Variants in ZFHX3 observed in about 807,000 individuals in gnomAD.
The protein encoded by ZFHX3 is zinc finger homeobox protein 3.
A neutral mutation model predicts 279.1 loss-of-function variants in ZFHX3; 42 were observed. That is an observed-to-expected ratio of 0.15 (90% confidence interval 0.12 to 0.19). The LOEUF (loss-of-function observed/expected upper bound fraction) is 0.19, where lower values mean the gene tolerates loss of function less well. Among genes scored for constraint, ZFHX3 ranks in the 10% least tolerant of loss-of-function variants. The pLI, the probability that ZFHX3 is intolerant of heterozygous loss-of-function variation, is 1.00. For missense variants in ZFHX3, 4,981 were observed against 4,754.0 expected (o/e 1.05, Z -1.40); for synonymous variants, 2,293 against 1,957.8 (o/e 1.17, Z -4.52).
chr16:73,873,976 A>C (rs1180093644), intron 1 of ZFHX3, among the ~76,000 whole-genome samples: 1 of 152,156 alleles, frequency 6.6e-6, no homozygotes, highest in African/African-American at 2.4e-5. Context: ...AAAAGTAAGA[A>C]GAAAAAAAAA....
At chr16:73,641,243 A>G (rs1252577049) in intron 2 of ZFHX3, among the ~76,000 whole-genome samples, 1 of 152,172 alleles carries the variant, frequency 6.6e-6, no homozygotes, top group Non-Finnish European at 1.5e-5. Flanking sequence ...AAAGCATAAA[A>G]TCCAGGGAAA....
chr16:72,963,349 A>G (rs979229080), intron 1 of ZFHX3, among the ~76,000 whole-genome samples: 2 of 151,918 alleles, frequency 1.3e-5, no homozygotes, highest in Admixed American at 6.6e-5. Flanking sequence ...TCTGCTCACA[A>G]CCCCCAATGT....
intron 7 of ZFHX3, among the ~76,000 whole-genome samples, chr16:73,104,207 T>C (rs1433183891): frequency 8.9e-6 from 1 of 112,702 alleles, no homozygotes; most frequent in African/African-American, 3.7e-5. Context: ...GTGCTCCCTA[T>C]GGATTTATTT....
chr16:73,605,792 G>A (rs1183637258), intron 2 of ZFHX3, among the ~76,000 whole-genome samples: 1 of 151,888 alleles, frequency 6.6e-6, no homozygotes, highest in Non-Finnish European at 1.5e-5. Context: ...TAGGCCAAGA[G>A]GTAAAGTGAA....
intron 3 of ZFHX3, among the ~76,000 whole-genome samples, chr16:73,377,207 AG>A (rs1466562643): frequency 1.3e-5 from 2 of 152,004 alleles, no homozygotes; most frequent in African/African-American, 2.4e-5. Context: ...CCTGACCTCA[AG>A]TGATCCACCC....
At chr16:73,719,370 C>G (rs2053451276) in intron 1 of ZFHX3, among the ~76,000 whole-genome samples, 1 of 152,176 alleles carries the variant, frequency 6.6e-6, no homozygotes, top group Admixed American at 6.5e-5. Flanking sequence ...TGCGTGGTCA[C>G]CAGCATTTTG....
intron 1 of ZFHX3, among the ~76,000 whole-genome samples, chr16:73,839,563 T>C (rs1216032312): frequency 6.6e-6 from 1 of 152,140 alleles, no homozygotes; most frequent in African/African-American, 2.4e-5. Context: ...ATGGAATACA[T>C]GTGTACAGCG....
chr16:73,441,493 A>G (rs1404938879), intron 3 of ZFHX3, among the ~76,000 whole-genome samples: 1 of 152,188 alleles, frequency 6.6e-6, no homozygotes, highest in Non-Finnish European at 1.5e-5. Context: ...TTCCCTAAAC[A>G]CTGTAACCAA....
intron 4 of ZFHX3, among the ~76,000 whole-genome samples, chr16:73,315,026 G>C (rs1395732982): frequency 6.6e-6 from 1 of 152,126 alleles, no homozygotes; most frequent in Non-Finnish European, 1.5e-5. Context: ...TCAGGAGTTT[G>C]ATACCAGACT....
At chr16:73,882,982 T>C (rs1295547552) in intron 1 of ZFHX3, among the ~76,000 whole-genome samples, 2 of 151,954 alleles carry the variant, frequency 1.3e-5, no homozygotes, top group Non-Finnish European at 2.9e-5. Flanking sequence ...CACTGGGGAT[T>C]TGGGTTTTTT....
rs750002479 is a variant in ZFHX3 at position 72,958,121 on chromosome 16, C to T, written c.2025G>A (p.Lys675=). 6.2e-7 allele frequency: 1 copy of T among 1,614,182 alleles called. No individual in the cohort carries two copies. The highest frequency in any genetic ancestry group is 8.5e-7 in the Non-Finnish European group (1 of 1,180,046). ...RNSCKTLKCP[K]CNWHYKYQQT... is the part of the protein sequence containing the mutation. ...GCTGGTACTTATAGTGCCAGTTGCA[C>T]TTGGGGCACTTGAGTGTCTTACACG... The change falls in exon 2 of 10, where the codon AAG becomes AAA. Residue 675 remains lysine, a synonymous_variant. Transcript: ENST00000268489.
chr16:73,564,264 AC>A (rs1343262833), intron 2 of ZFHX3, among the ~76,000 whole-genome samples: 1 of 152,074 alleles, frequency 6.6e-6, no homozygotes, highest in Admixed American at 6.5e-5. Flanking sequence ...TCTCTGCATA[AC>A]CCCAGGTGCC....
At chr16:73,819,586 G>A (rs943893818) in intron 1 of ZFHX3, among the ~76,000 whole-genome samples, 8 of 152,038 alleles carry the variant, frequency 5.3e-5, no homozygotes, top group African/African-American at 1.9e-4. Flanking sequence ...TGTACCTGTT[G>A]ATCTTAACCA....
intron 2 of ZFHX3, among the ~76,000 whole-genome samples, chr16:73,632,950 G>A (rs1314136651): frequency 6.6e-6 from 1 of 151,938 alleles, no homozygotes; most frequent in African/African-American, 2.4e-5. Flanking sequence ...GTGGTGGCGG[G>A]AGCCTGTAGT....
chr16:72,960,190 C>T lies in ZFHX3; in HGVS notation c.-45G>A, dbSNP rs12922464. 8.8e-6 allele frequency: 13 copies of T among 1,479,348 alleles called. No individual in the cohort carries two copies. The highest frequency in any genetic ancestry group is 1.2e-5 in the Non-Finnish European group (13 of 1,111,214). The allele number at this position is 1,479,348 out of a possible 1,614,324, so 91.6% of individuals were successfully genotyped here. ...TTTCATTGCACCCAGTACGGAGGCT[C>T]GGACCTGAAGGGCAGAGGCAAGGGG... is the stretch of plus-strand genomic sequence containing the variant. On this transcript the variant is annotated 5_prime_UTR_variant, in exon 2 of 10. Coordinates refer to ENST00000268489, the MANE Select transcript of ZFHX3 (RefSeq NM_006885.4).
intron 1 of ZFHX3, among the ~76,000 whole-genome samples, chr16:73,847,156 C>G (rs938663076): frequency 6.6e-6 from 1 of 152,150 alleles, no homozygotes; most frequent in African/African-American, 2.4e-5. Flanking sequence ...ACAAAATTAG[C>G]CAGGCATGGA....
intron 3 of ZFHX3, among the ~76,000 whole-genome samples, chr16:72,899,677 C>G (rs948744819): frequency 1.3e-5 from 2 of 152,268 alleles, no homozygotes; most frequent in Non-Finnish European, 2.9e-5. Context: ...ATCTCACTAG[C>G]TGTGCCACGT....
intron 2 of ZFHX3, among the ~76,000 whole-genome samples, chr16:73,496,392 A>G (rs1173857109): frequency 6.6e-6 from 1 of 152,158 alleles, no homozygotes; most frequent in Non-Finnish European, 1.5e-5. Flanking sequence ...TTAGCAAGGC[A>G]TGGTGGTGCG....
chr16:73,104,796 C>A (rs905599176), intron 7 of ZFHX3, among the ~76,000 whole-genome samples: 1 of 152,146 alleles, frequency 6.6e-6, no homozygotes, highest in Non-Finnish European at 1.5e-5. Flanking sequence ...ACTTCAGAAG[C>A]CTTCCTTGGC....
Sources: gnomAD v4.1 joint callset for allele counts (sites outside exome capture counted in the v4.1 genomes callset) on GRCh38, gnomAD v4.1.1 for gene constraint, MANE v1.5 for transcripts, NCBI Gene and HGNC (gene_info 2026-07-23, HGNC 2026-07-21) for gene names.